Variants in PDCL3 observed in about 807,000 individuals in gnomAD.
PDCL3 encodes phosducin like 3.
In PDCL3, 22 loss-of-function variants were observed where a neutral mutation model predicts 26.5. The observed-to-expected ratio is 0.83, with a 90% confidence interval of 0.59 to 1.19. The LOEUF is 1.19. Ranked by LOEUF, PDCL3 falls within the 50% of genes most tolerant of loss-of-function variation. The probability of loss-of-function intolerance (pLI) is 0.00; values close to 1 mark genes in which losing one functional copy is unlikely to be tolerated. For missense variants in PDCL3, 246 were observed against 294.1 expected (o/e 0.84, Z 1.20); for synonymous variants, 81 against 104.9 (o/e 0.77, Z 1.39).
In PDCL3 at chr2:100,563,001, A is replaced by G. The variant is rs1674976440; in HGVS notation, c.-67A>G. 8 of 1,568,844 alleles carry G rather than the reference A, an allele frequency of 5.1e-6. No individual in the cohort carries two copies. The Admixed American group carries it at 9.5e-5, about 19-fold the overall frequency. On this transcript the variant is annotated 5_prime_UTR_variant, in exon 1 of 6. Coordinates refer to ENST00000264254, the MANE Select transcript of PDCL3 (RefSeq NM_024065.5). ...AGGCGTGGCGGCGCTGTGCGCGTGC[A>G]CAAAAGAGAGCTGAGGGGCGGGGGC...
chr2:100,569,644 C>T lies in PDCL3; in HGVS notation c.291C>T (p.Ile97=), dbSNP rs1381850287. Reference sequence around the variant, plus strand: ...ATAAATTCGGAGAAGTTTTGGAGATCTCAGGGAAGGATTATGTTCAAGAAG... The same window carrying T: ...ATAAATTCGGAGAAGTTTTGGAGATTTCAGGGAAGGATTATGTTCAAGAAG... ...LKNKFGEVLE[I]SGKDYVQEVT... The change falls in exon 4 of 6, where the codon ATC becomes ATT. Residue 97 remains isoleucine, a synonymous_variant. Transcript: ENST00000264254. 7 of 1,613,854 alleles carry T rather than the reference C, an allele frequency of 4.3e-6. No homozygotes were observed. Among genetic ancestry groups the T allele is most frequent in the Admixed American group, 1.7e-5 (1 of 59,976 alleles).
At position 100,569,036 on chromosome 2, in the gene PDCL3, G is replaced by C; in HGVS notation, c.224+15G>C. 1 of 1,588,726 alleles carries C rather than the reference G, an allele frequency of 6.3e-7. No homozygotes were observed. Among genetic ancestry groups the C allele is most frequent in the Non-Finnish European group, 8.5e-7 (1 of 1,171,136 alleles). On this transcript the variant is annotated intron_variant, in intron 3 of 5. Transcript: ENST00000264254. Reference sequence around the variant, plus strand: ...GAAATGTACAGGTAAGCGCCACCCAGAGGGGCTGTTTGTTTTTTTGTTGTT... The same window carrying C: ...GAAATGTACAGGTAAGCGCCACCCACAGGGGCTGTTTGTTTTTTTGTTGTT...
At chr2:100,573,998 GATAT>G (rs199877152) in intron 5 of PDCL3, among the ~76,000 whole-genome samples, 1 of 148,058 alleles carries the variant, frequency 6.8e-6, no homozygotes, top group African/African-American at 2.6e-5. Context: ...TATAGAGAGA[GATAT>G]ATATATTTTT....
rs564637690 is a variant in PDCL3, at chr2:100,569,098, T to A, written c.224+77T>A. The A allele has an allele frequency of 1.0e-3, 1,353 of 1,290,858 alleles. 4 individuals carry two copies. The highest frequency in any genetic ancestry group is 1.4e-3 in the Non-Finnish European group (1,224 of 904,134). 80.0% of individuals were successfully genotyped at this position (1,290,858 alleles called of 1,614,324 possible). A position where few individuals can be genotyped will look rare whatever the true frequency, so the allele number is the denominator to read the frequency against. On this transcript the variant is annotated intron_variant, in intron 3 of 5. Transcript: ENST00000264254. ...TTTGGTTTTTTTTTTGGCGTGGCAATAAAATGTGTGGGCTGAGCATGGTGA... is the reference window on the plus strand; with the variant it reads ...TTTGGTTTTTTTTTTGGCGTGGCAAAAAAATGTGTGGGCTGAGCATGGTGA...
At chr2:100,572,917 C>T (rs1161389165) in intron 5 of PDCL3, among the ~76,000 whole-genome samples, 1 of 151,694 alleles carries the variant, frequency 6.6e-6, no homozygotes, top group Non-Finnish European at 1.5e-5. Context: ...TGGAGTTTTG[C>T]TCTTTCGCTC....
intron 4 of PDCL3, among the ~76,000 whole-genome samples, chr2:100,570,437 T>C (rs1334475498): frequency 6.6e-6 from 1 of 152,002 alleles, no homozygotes; most frequent in Non-Finnish European, 1.5e-5. Flanking sequence ...TCCAGTCTTG[T>C]CTTAAACTGT....
At chr2:100,571,126 A>AAACAACAACAAAAAAAAAAAC (rs1409370341) in intron 4 of PDCL3, among the ~76,000 whole-genome samples, 1 of 142,658 alleles carries the variant, frequency 7.0e-6, no homozygotes, top group African/African-American at 2.7e-5. Context: ...AAAAAAAAAA[A>AAACAACAACAAAAAAAAAAAC]AAAAAATCAG....
chr2:100,563,093 G>T lies in PDCL3; in HGVS notation c.6+20G>T, dbSNP rs554875440. ...ATGCAGGTGAGCTAGGACGGGTCTC[G>T]GGTCTGGGGGCTGCGGCCCGTTCCT... On this transcript the variant is annotated intron_variant, in intron 1 of 5. Coordinates refer to ENST00000264254, the MANE Select transcript of PDCL3 (RefSeq NM_024065.5). 3.9e-5 allele frequency: 63 copies of T among 1,599,330 alleles called. No individual in the cohort carries two copies. Among genetic ancestry groups the T allele is most frequent in the Non-Finnish European group, 5.4e-5 (63 of 1,173,814 alleles).
At chr2:100,564,389 C>G (rs774902263) in intron 1 of PDCL3, among the ~76,000 whole-genome samples, 2 of 152,188 alleles carry the variant, frequency 1.3e-5, no homozygotes, top group East Asian at 3.9e-4. Context: ...CTCCGCCTCT[C>G]CAGTTCACGC....
chr2:100,570,160 C>T (rs1233977198), intron 4 of PDCL3, among the ~76,000 whole-genome samples: 1 of 152,022 alleles, frequency 6.6e-6, no homozygotes, highest in Non-Finnish European at 1.5e-5. Context: ...TGCTGGTTTG[C>T]CCAAACCTTA....
At chr2:100,573,068 AGGGACAG>A (rs762332876) in intron 5 of PDCL3, among the ~76,000 whole-genome samples, 119 of 149,544 alleles carry the variant, frequency 8.0e-4, no homozygotes, top group Non-Finnish European at 1.4e-3. Context: ...TATTTTTAGT[AGGGACAG>A]GTTTTCACCA....
intron 5 of PDCL3, among the ~76,000 whole-genome samples, chr2:100,575,933 C>T (rs554696835): frequency 8.5e-5 from 13 of 152,076 alleles, no homozygotes; most frequent in South Asian, 2.1e-4. Flanking sequence ...CTCGCTCTGT[C>T]GTGTAGGCTG....
At chr2:100,571,556 A>G (rs1006134829) in intron 4 of PDCL3, 34 bp from the exon 5 acceptor site, 2 of 1,593,092 alleles carry the variant, frequency 1.3e-6, no homozygotes, top group Admixed American at 1.7e-5. Context: ...ATGTAGGATC[A>G]TAATTGCTTC....
chr2:100,564,155 C>T (rs1035793485), intron 1 of PDCL3, among the ~76,000 whole-genome samples: 1 of 151,942 alleles, frequency 6.6e-6, no homozygotes, highest in Non-Finnish European at 1.5e-5. Flanking sequence ...GGATGAGCCA[C>T]CGCACCTGGC....
intron 1 of PDCL3, among the ~76,000 whole-genome samples, chr2:100,565,423 C>G (rs753858840): frequency 6.6e-6 from 1 of 151,872 alleles, no homozygotes. Flanking sequence ...TACAGGCGCC[C>G]GCCACCACGC....
intron 2 of PDCL3, among the ~76,000 whole-genome samples, chr2:100,568,642 G>A (rs373166505): frequency 6.6e-5 from 10 of 152,132 alleles, no homozygotes; most frequent in African/African-American, 2.2e-4. Context: ...TCCAAAAAAA[G>A]GAAAATAAGC....
At position 100,566,774 on chromosome 2, in the gene PDCL3, C is replaced by A. The variant is rs990032247; in HGVS notation, c.133+145C>A. ...CTCAGACAAAACACAGGGCGTCTCT[C>A]ACCTTCACCTTCCTGAGCCATAGAC... On this transcript the variant is annotated intron_variant, in intron 2 of 5. Coordinates refer to ENST00000264254, the MANE Select transcript of PDCL3 (RefSeq NM_024065.5). 9 of 1,178,838 alleles carry A rather than the reference C, an allele frequency of 7.6e-6. No individual in the cohort carries two copies. The African/African-American group carries it at 1.4e-4, about 18-fold the overall frequency. The allele number at this position is 1,178,838 out of a possible 1,614,324, so 73.0% of individuals were successfully genotyped here.
intron 5 of PDCL3, 178 bp downstream of exon 5, chr2:100,571,976 A>G (rs1247456863): frequency 4.9e-6 from 3 of 617,402 alleles, no homozygotes; most frequent in Non-Finnish European, 8.7e-6. Flanking sequence ...AACAGTTACA[A>G]CTGGGCTCTA....
At chr2:100,566,844 A>G (rs1207050674) in intron 2 of PDCL3, among the ~76,000 whole-genome samples, 2 of 152,224 alleles carry the variant, frequency 1.3e-5, no homozygotes, top group Non-Finnish European at 2.9e-5. Flanking sequence ...TCCATGTCAC[A>G]TGAGCACTGA....
Sources: allele counts gnomAD v4.1 joint callset (sites outside exome capture counted in the v4.1 genomes callset), GRCh38; gene constraint gnomAD v4.1.1; transcripts MANE v1.5; gene names NCBI Gene and HGNC (gene_info 2026-07-23, HGNC 2026-07-21).